Variants in SPHKAP observed in about 807,000 individuals in gnomAD.
SPHKAP encodes the protein A-kinase anchor protein SPHKAP.
In SPHKAP, 67 loss-of-function variants were observed where a neutral mutation model predicts 137.5. That is an observed-to-expected ratio of 0.49 (90% CI 0.40 to 0.60). The LOEUF (loss-of-function observed/expected upper bound fraction) is 0.60. Ranked by LOEUF, SPHKAP falls within the 20% of genes least tolerant of loss-of-function variation. The pLI, the probability that SPHKAP is intolerant of heterozygous loss-of-function variation, is 0.00. For missense variants in SPHKAP, 2,097 were observed against 2,069.3 expected, an observed-to-expected ratio of 1.01 and a Z score of -0.26; for synonymous variants, 813 against 785.3, an observed-to-expected ratio of 1.04 and a Z score of -0.59.
intron 3 of SPHKAP, among the ~76,000 whole-genome samples, chr2:228,077,017 A>G (rs1048252923): frequency 1.3e-5 from 2 of 152,148 alleles, no homozygotes. Flanking sequence ...TGTAGCTGAA[A>G]GGGGCCAATG....
chr2:228,143,530 C>T (rs965255151), intron 1 of SPHKAP, among the ~76,000 whole-genome samples: 14 of 151,928 alleles, frequency 9.2e-5, no homozygotes, highest in Admixed American at 4.6e-4. Context: ...GGGTCTCACT[C>T]TGTCGCCCAG....
At chr2:228,174,944 C>G (rs553809321) in intron 1 of SPHKAP, among the ~76,000 whole-genome samples, 4 of 145,582 alleles carry the variant, frequency 2.7e-5, no homozygotes, top group Admixed American at 1.4e-4. Context: ...ATAAATATAT[C>G]AGTAGAATGA....
chr2:228,092,249 A>G (rs1697784071), intron 3 of SPHKAP, among the ~76,000 whole-genome samples: 3 of 145,136 alleles, frequency 2.1e-5, no homozygotes, highest in Non-Finnish European at 3.0e-5. Context: ...ACACACGTGT[A>G]TATGTGTGTA....
chr2:228,148,076 A>G (rs1699830404), intron 1 of SPHKAP, among the ~76,000 whole-genome samples: 1 of 152,036 alleles, frequency 6.6e-6, no homozygotes, highest in African/African-American at 2.4e-5. Context: ...TCCCATACTA[A>G]CTGTCTTTAG....
intron 3 of SPHKAP, among the ~76,000 whole-genome samples, chr2:228,074,267 T>C (rs1697101490): frequency 6.6e-6 from 1 of 152,222 alleles, no homozygotes; most frequent in Non-Finnish European, 1.5e-5. Flanking sequence ...TAATTCCAGA[T>C]CCATGATCTG....
chr2:228,072,270 C>A (rs1178517811), intron 3 of SPHKAP, among the ~76,000 whole-genome samples: 2 of 152,168 alleles, frequency 1.3e-5, no homozygotes, highest in African/African-American at 4.8e-5. Context: ...TCTCAGTCTC[C>A]AGAATCACAT....
intron 3 of SPHKAP, among the ~76,000 whole-genome samples, chr2:228,072,733 A>G (rs1697042664): frequency 6.6e-6 from 1 of 152,106 alleles, no homozygotes; most frequent in South Asian, 2.1e-4. Flanking sequence ...GCAGTGCTGG[A>G]AAGAACACTT....
intron 1 of SPHKAP, among the ~76,000 whole-genome samples, chr2:228,178,935 TA>T (rs757281339): frequency 0.02 from 2,866 of 144,098 alleles, 38 homozygotes; most frequent in Non-Finnish European, 0.024. Flanking sequence ...AACATTTCCT[TA>T]AAAAAAAAAA....
At position 228,169,337 on chromosome 2, in the gene SPHKAP, C is replaced by T. The variant is rs1336444164; in HGVS notation, c.32+12230G>A. Among the ~76,000 whole-genome samples the T allele has an allele frequency of 3.3e-5, 5 of 152,120 alleles. No homozygotes were observed. In the South Asian group the frequency reaches 8.3e-4, roughly 25 times the overall value. ...GAGAAGTCAATGCCCGGCTTCAAAG[C>T]TTCAGAAGACAAGCTGACTCACTTT... is the stretch of plus-strand genomic sequence containing the variant. On this transcript the variant is annotated intron_variant, in intron 1 of 11. Coordinates refer to ENST00000392056, the MANE Select transcript of SPHKAP (RefSeq NM_001142644.2).
Position 228,079,192 on chromosome 2 carries a change from G to A in SPHKAP, c.246+29640C>T, listed in dbSNP as rs777278234. The stretch of plus-strand genomic sequence containing the variant: ...GGCATTAGATTCTCATGAAGAGTGC[G>A]CAATCTAGATCCCTCGCATATGCAG... On this transcript the variant is annotated intron_variant, in intron 3 of 11. Transcript: ENST00000392056. Among the ~76,000 whole-genome samples, 9 of 152,200 alleles carry A rather than the reference G, an allele frequency of 5.9e-5. No individual in the cohort carries two copies. In the South Asian group the frequency reaches 6.2e-4, roughly 10 times the overall value.
intron 7 of SPHKAP, among the ~76,000 whole-genome samples, chr2:227,997,758 T>A (rs1027037452): frequency 6.6e-6 from 1 of 152,222 alleles, no homozygotes; most frequent in African/African-American, 2.4e-5. Context: ...GAAGGCTTCC[T>A]GAGTCACATT....
At chr2:228,095,435 G>T (rs530489054) in intron 3 of SPHKAP, among the ~76,000 whole-genome samples, 48 of 152,298 alleles carry the variant, frequency 3.2e-4, no homozygotes, top group African/African-American at 1.1e-3. Context: ...CCAAAGGCAG[G>T]AGAAGAATTA....
At chr2:228,145,407 G>C (rs1182221792) in intron 1 of SPHKAP, among the ~76,000 whole-genome samples, 1 of 152,088 alleles carries the variant, frequency 6.6e-6, no homozygotes, top group Non-Finnish European at 1.5e-5. Context: ...AAAGCCTGTA[G>C]AAAAATTTTT....
intron 7 of SPHKAP, among the ~76,000 whole-genome samples, chr2:228,001,566 T>C (rs974074194): frequency 4.8e-4 from 70 of 146,850 alleles, no homozygotes; most frequent in Non-Finnish European, 5.4e-4. Context: ...AAAATATATA[T>C]ACACACATAT....
chr2:228,009,028 A>G (rs995108398), intron 7 of SPHKAP, among the ~76,000 whole-genome samples: 1 of 152,158 alleles, frequency 6.6e-6, no homozygotes, highest in Non-Finnish European at 1.5e-5. Context: ...TGGGATTTTG[A>G]TTGGGATTGT....
intron 3 of SPHKAP, among the ~76,000 whole-genome samples, chr2:228,070,771 TTCTTTTTATCAGGATTC>T (rs1265225351): frequency 3.3e-5 from 5 of 152,302 alleles, no homozygotes; most frequent in Admixed American, 2.6e-4. Context: ...TTTCATGAAG[TTCTTTTTATCAGGATTC>T]TCTTCCATAG....
At chr2:228,158,613 A>G (rs1196950465) in intron 1 of SPHKAP, among the ~76,000 whole-genome samples, 1 of 152,156 alleles carries the variant, frequency 6.6e-6, no homozygotes, top group Non-Finnish European at 1.5e-5. Flanking sequence ...AAAAAGGGAG[A>G]GCTATTCTTA....
chr2:228,058,531 C>T (rs929684435), intron 3 of SPHKAP, among the ~76,000 whole-genome samples: 3 of 152,136 alleles, frequency 2.0e-5, no homozygotes, highest in African/African-American at 7.2e-5. Flanking sequence ...TTCCTCTGCA[C>T]CCCGATCCCG....
chr2:228,104,887 GA>G (rs1420989942), intron 3 of SPHKAP, among the ~76,000 whole-genome samples: 1 of 152,118 alleles, frequency 6.6e-6, no homozygotes, highest in Non-Finnish European at 1.5e-5. Flanking sequence ...GATGTTTTCT[GA>G]AAAGTCAAAA....
Sources: allele counts gnomAD v4.1 joint callset (sites outside exome capture counted in the v4.1 genomes callset), GRCh38; gene constraint gnomAD v4.1.1; transcripts MANE v1.5; gene names NCBI Gene and HGNC (gene_info 2026-07-23, HGNC 2026-07-21).